The following PDGFD variants were observed in gnomAD, a reference collection of about 807,000 sequenced individuals.
PDGFD encodes the protein platelet derived growth factor D.
Under a neutral mutation model 44.7 loss-of-function variants are expected in PDGFD, and 30 were observed. The ratio of observed to expected loss-of-function variants is 0.67; its 90% CI spans 0.50 to 0.91. The LOEUF (loss-of-function observed/expected upper bound fraction) is 0.91, where lower values mean the gene tolerates loss of function less well. PDGFD is among the 40% of genes least tolerant of loss of function. The probability of loss-of-function intolerance (pLI) is 0.00; values close to 1 mark genes in which losing one functional copy is unlikely to be tolerated. For synonymous variants in PDGFD, 173 were observed against 168.4 expected (o/e 1.03, Z -0.21); for missense variants, 445 against 457.8 (o/e 0.97, Z 0.25).
intron 6 of PDGFD, 85 bp downstream of exon 6, chr11:103,926,827 C>T (rs1236227150): frequency 7.2e-7 from 1 of 1,384,620 alleles, no homozygotes; most frequent in East Asian, 2.5e-5. Context: ...GTGCAGTGAA[C>T]AACCTGAACA....
chr11:103,907,271 G>A lies in PDGFD; in HGVS notation c.*2423C>T, dbSNP rs573283949. On this transcript the variant is annotated 3_prime_UTR_variant, in exon 7 of 7. Coordinates refer to ENST00000393158, the MANE Select transcript of PDGFD (RefSeq NM_025208.5). ...ATAGAAAATGCTATGAGAGGAAAAA[G>A]CTGCATGTTACCGATATGACAAAAA... is the stretch of plus-strand genomic sequence containing the variant. The A allele has an allele frequency of 1.3e-5, 2 of 152,248 alleles. No homozygotes were observed. Among genetic ancestry groups the A allele is most frequent in the East Asian group, 3.9e-4 (2 of 5,180 alleles). The allele number at this position is 152,248 out of a possible 1,614,324, so 9.4% of individuals were successfully genotyped here.
chr11:104,159,169 A>C (rs1862353551), intron 1 of PDGFD, among the ~76,000 whole-genome samples: 1 of 151,734 alleles, frequency 6.6e-6, no homozygotes, highest in Non-Finnish European at 1.5e-5. Context: ...AAAAAAAAAA[A>C]AAAAACTATT....
chr11:103,986,172 G>A (rs1859359920), intron 3 of PDGFD, among the ~76,000 whole-genome samples: 1 of 152,178 alleles, frequency 6.6e-6, no homozygotes, highest in Non-Finnish European at 1.5e-5. Context: ...AAGGCTGGAT[G>A]AGTCCTGTCT....
chr11:103,972,349 G>A (rs72986851), intron 3 of PDGFD, among the ~76,000 whole-genome samples: 162 of 152,212 alleles, frequency 1.1e-3, no homozygotes, highest in Non-Finnish European at 1.9e-3. Context: ...TGGGGGTTGC[G>A]GGGTATGCCA....
intron 3 of PDGFD, among the ~76,000 whole-genome samples, chr11:103,950,535 C>A (rs1025331404): frequency 4.6e-5 from 7 of 150,776 alleles, no homozygotes; most frequent in Non-Finnish European, 8.8e-5. Flanking sequence ...TGCACTCCAG[C>A]CTTGGCAACA....
At chr11:104,039,343 T>C (rs1860308802) in intron 1 of PDGFD, among the ~76,000 whole-genome samples, 1 of 152,122 alleles carries the variant, frequency 6.6e-6, no homozygotes, top group Non-Finnish European at 1.5e-5. Context: ...GGATCTGGGA[T>C]ATCCTTTAAG....
At chr11:104,144,540 A>ACC (rs1862136098) in intron 1 of PDGFD, among the ~76,000 whole-genome samples, 1 of 136,088 alleles carries the variant, frequency 7.3e-6, no homozygotes, top group African/African-American at 3.0e-5. Context: ...CCAACAAAAC[A>ACC]AAACAAACAA....
intron 3 of PDGFD, among the ~76,000 whole-genome samples, chr11:103,990,178 T>C (rs1229167307): frequency 6.6e-6 from 1 of 152,174 alleles, no homozygotes; most frequent in Non-Finnish European, 1.5e-5. Flanking sequence ...GTTGCTTCCC[T>C]CTCTTGTCTT....
intron 6 of PDGFD, among the ~76,000 whole-genome samples, chr11:103,917,093 A>AC (rs1331359323): frequency 6.6e-6 from 1 of 152,138 alleles, no homozygotes; most frequent in Non-Finnish European, 1.5e-5. Context: ...TTAAAAAAAA[A>AC]ACACACAACA....
chr11:103,931,000 A>G (rs1201601644), intron 5 of PDGFD, among the ~76,000 whole-genome samples: 4 of 152,092 alleles, frequency 2.6e-5, no homozygotes, highest in Non-Finnish European at 5.9e-5. Context: ...TTCTTGCCTC[A>G]TCTAGGAGCT....
At chr11:104,026,831 T>C (rs1352248593) in intron 1 of PDGFD, among the ~76,000 whole-genome samples, 1 of 152,196 alleles carries the variant, frequency 6.6e-6, no homozygotes, top group Non-Finnish European at 1.5e-5. Flanking sequence ...CTTTCATTGT[T>C]CCATCCAACA....
At chr11:104,110,311 AAAATT>A (rs925632551) in intron 1 of PDGFD, among the ~76,000 whole-genome samples, 7 of 151,926 alleles carry the variant, frequency 4.6e-5, no homozygotes, top group Non-Finnish European at 7.4e-5. Flanking sequence ...AAAATTTTTA[AAAATT>A]AAATTAAAGA....
At chr11:104,143,319 T>C (rs1862113916) in intron 1 of PDGFD, among the ~76,000 whole-genome samples, 1 of 152,218 alleles carries the variant, frequency 6.6e-6, no homozygotes, top group Non-Finnish European at 1.5e-5. Context: ...TGCTGTCTAA[T>C]ATCTATGTCC....
chr11:104,124,021 T>C (rs1039566646), intron 1 of PDGFD, among the ~76,000 whole-genome samples: 6 of 151,902 alleles, frequency 3.9e-5, no homozygotes, highest in African/African-American at 1.5e-4. Flanking sequence ...TGAAGAAATA[T>C]ATATGATATT....
Position 104,106,107 on chromosome 11 carries a change from C to T in PDGFD, c.124+57697G>A, listed in dbSNP as rs1022844273. Among the ~76,000 whole-genome samples, 5 of 152,180 alleles carry T rather than the reference C, an allele frequency of 3.3e-5. 1 individual carries two copies. The highest frequency in any genetic ancestry group is 2.0e-4 in the Admixed American group (3 of 15,264). On this transcript the variant is annotated intron_variant, in intron 1 of 6. Coordinates refer to ENST00000393158, the MANE Select transcript of PDGFD (RefSeq NM_025208.5). The stretch of plus-strand genomic sequence containing the variant: ...ATACATATATTAGAAACTTATATTT[C>T]TGAACTGAGGAGCAGAGTAAATCAT...
intron 3 of PDGFD, among the ~76,000 whole-genome samples, chr11:103,988,064 C>T (rs527628655): frequency 6.6e-6 from 1 of 152,068 alleles, no homozygotes; most frequent in East Asian, 1.9e-4. Context: ...TTTTTTAATA[C>T]CAAGGTTTCA....
chr11:104,073,160 A>G (rs532033568), intron 1 of PDGFD, among the ~76,000 whole-genome samples: 126 of 152,242 alleles, frequency 8.3e-4, no homozygotes, highest in Non-Finnish European at 1.3e-3. Flanking sequence ...TTAGCATAAA[A>G]AAAGATTCAA....
intron 1 of PDGFD, chr11:104,037,765 C>T (rs1475480990): frequency 8.1e-6 from 13 of 1,614,130 alleles, no homozygotes; most frequent in South Asian, 1.1e-5. Flanking sequence ...TGATTTCTTA[C>T]AGTGCTCTTT....
At chr11:104,037,635 T>C (rs1385904996) in intron 1 of PDGFD, 2 of 1,613,986 alleles carry the variant, frequency 1.2e-6, no homozygotes, top group African/African-American at 2.7e-5. Context: ...TGAGCCAGGC[T>C]TGTGCCGAGC....
Sources: gnomAD v4.1 joint callset for allele counts (sites outside exome capture counted in the v4.1 genomes callset) on GRCh38, gnomAD v4.1.1 for gene constraint, MANE v1.5 for transcripts, NCBI Gene and HGNC (gene_info 2026-07-23, HGNC 2026-07-21) for gene names.